The following LSM2 variants were observed in gnomAD, a reference collection of about 807,000 sequenced individuals.
LSM2 encodes LSM2 homolog, U6 small nuclear RNA and mRNA degradation associated, also known as U6 snRNA-associated Sm-like protein LSm2.
LSM2 carries 12 observed loss-of-function variants against 17.0 expected under a neutral mutation model. That is an observed-to-expected ratio of 0.70 (90% confidence interval 0.45 to 1.14). The LOEUF (loss-of-function observed/expected upper bound fraction) is 1.14, where lower values mean the gene tolerates loss of function less well. Among genes scored for constraint, LSM2 ranks in the 50% most tolerant of loss-of-function variants. The pLI, the probability that LSM2 is intolerant of heterozygous loss-of-function variation, is 0.00. For missense variants in LSM2, 62 were observed against 111.8 expected (o/e 0.55, Z 2.01); for synonymous variants, 42 against 44.5 (o/e 0.94, Z 0.22).
At chr6:31,803,213 T>G (rs1814819973) in intron 2 of LSM2, among the ~76,000 whole-genome samples, 1 of 152,070 alleles carries the variant, frequency 6.6e-6, no homozygotes, top group Non-Finnish European at 1.5e-5. Context: ...GTGTAACCCA[T>G]GAAAAAATTA....
intron 1 of LSM2, chr6:31,806,450 T>C: frequency 3.3e-6 from 2 of 603,586 alleles, no homozygotes; most frequent in Non-Finnish European, 5.9e-6. Flanking sequence ...CAATGAATTG[T>C]AGAAAATATC....
intron 2 of LSM2, among the ~76,000 whole-genome samples, chr6:31,801,771 G>A (rs1814721597): frequency 6.6e-6 from 1 of 152,090 alleles, no homozygotes; most frequent in African/African-American, 2.4e-5. Context: ...ACTCCAGCCA[G>A]GGCAACAGAG....
intron 2 of LSM2, among the ~76,000 whole-genome samples, chr6:31,798,954 C>T (rs1814547646): frequency 6.6e-6 from 1 of 151,642 alleles, no homozygotes; most frequent in Non-Finnish European, 1.5e-5. Flanking sequence ...CAGGCTGTTC[C>T]TTAACTCCTG....
At chr6:31,806,431 C>T in intron 1 of LSM2, 1 of 601,168 alleles carries the variant, frequency 1.7e-6, no homozygotes, top group South Asian at 2.0e-5. Flanking sequence ...GGTACCTGCC[C>T]ACTCCTTTCA....
chr6:31,804,154 A>G (rs1439301348), intron 2 of LSM2, among the ~76,000 whole-genome samples: 2 of 152,090 alleles, frequency 1.3e-5, no homozygotes, highest in African/African-American at 4.8e-5. Context: ...CAAGGTCGAG[A>G]GTTCAAGACC....
intron 1 of LSM2, 196 bp downstream of exon 1, chr6:31,806,559 G>T (rs1180551760): frequency 7.6e-6 from 6 of 790,400 alleles, no homozygotes; most frequent in Non-Finnish European, 1.3e-5. Flanking sequence ...CAGGGTTGGG[G>T]TTTTTTCCCT....
intron 2 of LSM2, among the ~76,000 whole-genome samples, chr6:31,802,085 G>C (rs1449610604): frequency 6.6e-6 from 1 of 151,440 alleles, no homozygotes; most frequent in African/African-American, 2.4e-5. Flanking sequence ...TTCAAGACCA[G>C]CCTGACGAAG....
intron 2 of LSM2, 43 bp from the exon 3 acceptor site, chr6:31,798,550 C>T (rs1814521817): frequency 6.2e-7 from 1 of 1,608,712 alleles, no homozygotes; most frequent in African/African-American, 1.3e-5. Context: ...TAGTTTATAA[C>T]AAAGTCAACA....
chr6:31,802,455 C>T (rs926405094), intron 2 of LSM2, among the ~76,000 whole-genome samples: 2 of 149,504 alleles, frequency 1.3e-5, no homozygotes, highest in East Asian at 2.0e-4. Flanking sequence ...ATTAGCTGGG[C>T]GTGGTGGTGC....
At chr6:31,806,230 T>C in intron 1 of LSM2, 88 bp from the exon 2 acceptor site, 2 of 1,193,550 alleles carry the variant, frequency 1.7e-6, no homozygotes, top group Non-Finnish European at 1.2e-6. Flanking sequence ...ATACTGGTAT[T>C]GTGAACCCCA....
At chr6:31,806,368 C>CCCTG in intron 1 of LSM2, 1 of 605,734 alleles carries the variant, frequency 1.7e-6, no homozygotes. Context: ...AGAGACTCTG[C>CCCTG]CCTGCATACG....
At position 31,806,123 on chromosome 6, in the gene LSM2, T is replaced by C; in HGVS notation, c.23A>G (p.Lys8Arg). ...GACCACATCCTTGCCCACAAGGGAC[T>C]TGAAAAAAGAATAGAAGAGCTATTG... MLFYSFF[K>R]SLVGKDVVVE... Residue 8 changes from lysine (K) to arginine (R), a missense_variant, in exon 2 of 5, where the codon AAG becomes AGG. Coordinates refer to ENST00000375661, the MANE Select transcript of LSM2 (RefSeq NM_021177.5). 1.2e-6 allele frequency: 2 copies of C among 1,612,888 alleles called. No individual in the cohort carries two copies. The highest frequency in any genetic ancestry group is 2.2e-5 in the East Asian group (1 of 44,888).
At position 31,798,502 on chromosome 6, in the gene LSM2, C is replaced by T; in HGVS notation, c.77G>A (p.Cys26Tyr). 1.2e-6 allele frequency: 2 copies of T among 1,612,920 alleles called. No homozygotes were observed. Among genetic ancestry groups the T allele is most frequent in the African/African-American group, 1.3e-5 (1 of 75,040 alleles). ...CTGATCCACAGAATGGAGGGTTCCA[C>T]AGATGCTGTCAAGGGCAGAGGGAGA... Reference protein sequence around the residue: ...VVELKNDLSICGTLHSVDQYL... With the variant: ...VVELKNDLSIYGTLHSVDQYL... The change falls in exon 3 of 5, where the codon TGT (cysteine) becomes TAT (tyrosine). Residue 26 changes from cysteine to tyrosine, a missense_variant. Transcript: ENST00000375661.
intron 2 of LSM2, among the ~76,000 whole-genome samples, chr6:31,798,866 A>G (rs750505753): frequency 7.4e-5 from 11 of 149,360 alleles, no homozygotes; most frequent in Non-Finnish European, 1.5e-4. Flanking sequence ...TCTCCTGAGT[A>G]GCTAGGACTT....
chr6:31,802,206 G>A (rs1390013503), intron 2 of LSM2, among the ~76,000 whole-genome samples: 1 of 151,954 alleles, frequency 6.6e-6, no homozygotes, highest in Non-Finnish European at 1.5e-5. Context: ...CTTGAACCCA[G>A]GCAGCAGAGG....
At chr6:31,806,697 C>T (rs969392948) in intron 1 of LSM2, 58 bp downstream of exon 1, 17 of 1,598,064 alleles carry the variant, frequency 1.1e-5, no homozygotes, top group Admixed American at 1.8e-5. Context: ...GGCCAGATCC[C>T]CCGCCCCAAC....
Position 31,797,755 on chromosome 6 carries a change from C to T in LSM2, c.*2G>A. 1 of 1,612,630 alleles carries T rather than the reference C, an allele frequency of 6.2e-7. No individual in the cohort carries two copies. The highest frequency in any genetic ancestry group is 8.5e-7 in the Non-Finnish European group (1 of 1,179,996). On this transcript the variant is annotated 3_prime_UTR_variant, in exon 5 of 5. Coordinates refer to ENST00000375661, the MANE Select transcript of LSM2 (RefSeq NM_021177.5). ...GAGGGAGGGGAAGAGGAGGAGGAGC[C>T]ATCACTGTTTCTGCTGCAGGGCTTC...
chr6:31,798,462 C>A lies in LSM2; in HGVS notation c.102+15G>T. Reference sequence around the variant, plus strand: ...TTCTCCAGGAACCAATTCTGGGGCCCGTGCTATATCTCACCTGATCCACAG... The same window carrying A: ...TTCTCCAGGAACCAATTCTGGGGCCAGTGCTATATCTCACCTGATCCACAG... On this transcript the variant is annotated intron_variant, in intron 3 of 4. Transcript: ENST00000375661. 1 of 1,612,838 alleles carries A rather than the reference C, an allele frequency of 6.2e-7. No individual in the cohort carries two copies. The highest frequency in any genetic ancestry group is 8.5e-7 in the Non-Finnish European group (1 of 1,179,962).
chr6:31,805,079 T>C (rs896743637), intron 2 of LSM2, among the ~76,000 whole-genome samples: 8 of 151,068 alleles, frequency 5.3e-5, no homozygotes, highest in African/African-American at 1.9e-4. Flanking sequence ...CCTGTTCTTT[T>C]TTTGAGACAG....
Sources: allele counts gnomAD v4.1 joint callset (sites outside exome capture counted in the v4.1 genomes callset), GRCh38; gene constraint gnomAD v4.1.1; transcripts MANE v1.5; gene names NCBI Gene and HGNC (gene_info 2026-07-23, HGNC 2026-07-21).